CDK17: variants seen among roughly 807,000 people sequenced by gnomAD.
The protein encoded by CDK17 is cyclin-dependent kinase 17.
Under a neutral mutation model 77.6 loss-of-function variants are expected in CDK17, and 24 were observed. That is an observed-to-expected ratio of 0.31 (90% CI 0.22 to 0.44). The LOEUF (loss-of-function observed/expected upper bound fraction) is 0.44, where lower values mean the gene tolerates loss of function less well. CDK17 is among the 20% of genes least tolerant of loss of function. The pLI is 1.00. For synonymous variants in CDK17, 203 were observed against 210.4 expected (o/e 0.96, Z 0.30); for missense variants, 429 against 622.5 (o/e 0.69, Z 3.31).
intron 1 of CDK17, among the ~76,000 whole-genome samples, chr12:96,372,979 CT>C (rs761224300): frequency 6.6e-6 from 1 of 152,150 alleles, no homozygotes; most frequent in Non-Finnish European, 1.5e-5. Context: ...CAAAGGATGG[CT>C]TTATGAGCCT....
At chr12:96,347,968 C>T (rs1381728811) in intron 1 of CDK17, among the ~76,000 whole-genome samples, 3 of 151,890 alleles carry the variant, frequency 2.0e-5, no homozygotes, top group Non-Finnish European at 4.4e-5. Context: ...AAAGAAGAAA[C>T]CACAAGAGAT....
In CDK17 at chr12:96,278,722, G is replaced by GCCTA. The variant is rs1952136365; in HGVS notation, c.*1519_*1520insTAGG. 6.6e-6 allele frequency: 1 copy of GCCTA among 152,516 alleles called. No individual in the cohort carries two copies. The highest frequency in any genetic ancestry group is 1.5e-5 in the Non-Finnish European group (1 of 67,978). 9.4% of individuals were successfully genotyped at this position (152,516 alleles called of 1,614,324 possible). On this transcript the variant is annotated 3_prime_UTR_variant, in exon 17 of 17. Coordinates refer to ENST00000261211, the MANE Select transcript of CDK17 (RefSeq NM_002595.5). ...TAAAACCAATTTACAAATGTGAAAA[G>GCCTA]CAGTAGTGGTCCAATATTCACCATT...
chr12:96,280,361 T>C (rs1952159567), intron 16 of CDK17, 82 bp from the exon 17 acceptor site: 4 of 1,524,850 alleles, frequency 2.6e-6, no homozygotes, highest in Admixed American at 2.2e-5. Context: ...AGGAAGCTAA[T>C]GTTCCCACCA....
chr12:96,394,538 G>A (rs1193836136), intron 1 of CDK17, among the ~76,000 whole-genome samples: 1 of 151,958 alleles, frequency 6.6e-6, no homozygotes, highest in African/African-American at 2.4e-5. Flanking sequence ...GAGAAGCACG[G>A]GTACGGTGTC....
intron 7 of CDK17, 86 bp from the exon 8 acceptor site, chr12:96,297,807 G>T: frequency 1.4e-6 from 1 of 735,156 alleles, no homozygotes; most frequent in Non-Finnish European, 2.3e-6. Flanking sequence ...CTGATTAAAA[G>T]ATTCTCTTAA....
At chr12:96,338,611 GAAC>G (rs1173547884) in intron 1 of CDK17, among the ~76,000 whole-genome samples, 3 of 152,014 alleles carry the variant, frequency 2.0e-5, no homozygotes, top group Admixed American at 2.0e-4. Flanking sequence ...GGCTGATCTT[GAAC>G]TCCCGGCCTC....
chr12:96,316,193 AC>A (rs769657561), intron 3 of CDK17, among the ~76,000 whole-genome samples: 3 of 152,120 alleles, frequency 2.0e-5, no homozygotes, highest in Non-Finnish European at 4.4e-5. Flanking sequence ...GAAAGGGGTG[AC>A]GGACGCACCT....
chr12:96,366,995 T>A (rs375016260), intron 1 of CDK17, among the ~76,000 whole-genome samples: 5 of 152,154 alleles, frequency 3.3e-5, no homozygotes, highest in African/African-American at 1.2e-4. Context: ...TAACTCAGTA[T>A]GTCCTCCAAG....
chr12:96,279,942 A>AATATAT lies in CDK17; in HGVS notation c.*299_*300insATATAT, dbSNP rs1952153378. 1 of 285,896 alleles carries AATATAT rather than the reference A, an allele frequency of 3.5e-6. No individual in the cohort carries two copies. Among genetic ancestry groups the AATATAT allele is most frequent in the Non-Finnish European group, 6.4e-6 (1 of 155,156 alleles). The allele number at this position is 285,896 out of a possible 1,614,324, so 17.7% of individuals were successfully genotyped here. Reference sequence around the variant, plus strand: ...ATTTAGCAGCAATGATTCCGCAATAAATAATGCACTGTGTTTCTCAGTCCT... The same window carrying AATATAT: ...ATTTAGCAGCAATGATTCCGCAATAAATATATATAATGCACTGTGTTTCTCAGTCCT... On this transcript the variant is annotated 3_prime_UTR_variant, in exon 17 of 17. Coordinates refer to ENST00000261211, the MANE Select transcript of CDK17 (RefSeq NM_002595.5).
chr12:96,393,408 C>CTTAA (rs984022062), intron 1 of CDK17, among the ~76,000 whole-genome samples: 2 of 138,714 alleles, frequency 1.4e-5, no homozygotes, highest in African/African-American at 5.4e-5. Flanking sequence ...ACTCAAGGTG[C>CTTAA]TTAAGTCTAA....
intron 15 of CDK17, 132 bp from the exon 16 acceptor site, chr12:96,281,017 G>A (rs897035644): frequency 3.6e-5 from 27 of 747,962 alleles, no homozygotes; most frequent in Non-Finnish European, 4.7e-5. Context: ...TAGCCCTGCT[G>A]AAATTTTTCC....
At chr12:96,382,767 CT>C (rs1953905871) in intron 1 of CDK17, among the ~76,000 whole-genome samples, 1 of 152,094 alleles carries the variant, frequency 6.6e-6, no homozygotes, top group Non-Finnish European at 1.5e-5. Context: ...AGCATATCAT[CT>C]TCTCAACAGA....
chr12:96,377,861 T>G (rs1286597779), intron 1 of CDK17, among the ~76,000 whole-genome samples: 1 of 152,012 alleles, frequency 6.6e-6, no homozygotes, highest in Non-Finnish European at 1.5e-5. Flanking sequence ...GCCCAGCTAA[T>G]TTTTTGTATT....
At chr12:96,371,654 C>T (rs543454529) in intron 1 of CDK17, among the ~76,000 whole-genome samples, 30 of 152,048 alleles carry the variant, frequency 2.0e-4, no homozygotes, top group Non-Finnish European at 4.3e-4. Flanking sequence ...ATCACTTGAA[C>T]CCAGGGGGCG....
intron 1 of CDK17, among the ~76,000 whole-genome samples, chr12:96,379,803 T>C (rs1592766148): frequency 6.6e-6 from 1 of 152,118 alleles, no homozygotes; most frequent in East Asian, 1.9e-4. Context: ...ATCGAAACAT[T>C]TCCTCATCGG....
chr12:96,382,438 A>G (rs1167243572), intron 1 of CDK17, among the ~76,000 whole-genome samples: 1 of 152,134 alleles, frequency 6.6e-6, no homozygotes, highest in African/African-American at 2.4e-5. Flanking sequence ...AAACGTATAA[A>G]GAAAAATTGG....
intron 3 of CDK17, among the ~76,000 whole-genome samples, chr12:96,317,673 C>A (rs1160744477): frequency 7.7e-6 from 1 of 129,814 alleles, no homozygotes; most frequent in Admixed American, 7.9e-5. Context: ...AATTTTCAAC[C>A]CAGAATTTCA....
At chr12:96,381,491 C>T (rs1953879982) in intron 1 of CDK17, among the ~76,000 whole-genome samples, 1 of 151,776 alleles carries the variant, frequency 6.6e-6, no homozygotes, top group African/African-American at 2.4e-5. Context: ...AATTTTATAG[C>T]AGGGAGACCA....
intron 13 of CDK17, among the ~76,000 whole-genome samples, chr12:96,285,277 T>TA (rs1052090365): frequency 6.6e-6 from 1 of 152,234 alleles, no homozygotes; most frequent in Admixed American, 6.5e-5. Context: ...CCAACTCACA[T>TA]AAATACTTTA....
Sources: gnomAD v4.1 joint callset for allele counts (sites outside exome capture counted in the v4.1 genomes callset) on GRCh38, gnomAD v4.1.1 for gene constraint, MANE v1.5 for transcripts, NCBI Gene and HGNC (gene_info 2026-07-23, HGNC 2026-07-21) for gene names.